Variants in ARHGEF28 observed in about 807,000 individuals in gnomAD.
The protein encoded by ARHGEF28 is 190 kDa guanine nucleotide exchange factor.
Under a neutral mutation model 206.6 loss-of-function variants are expected in ARHGEF28, and 152 were observed. The ratio of observed to expected loss-of-function variants is 0.74; its 90% CI spans 0.64 to 0.84. ARHGEF28 has a LOEUF of 0.84. Ranked by LOEUF, ARHGEF28 falls within the 40% of genes least tolerant of loss-of-function variation. The probability of loss-of-function intolerance (pLI) is 0.00; values close to 1 mark genes in which losing one functional copy is unlikely to be tolerated. For synonymous variants in ARHGEF28, 763 were observed against 776.4 expected (o/e 0.98, Z 0.29); for missense variants, 2,028 against 2,073.2 (o/e 0.98, Z 0.42).
intron 7 of ARHGEF28, among the ~76,000 whole-genome samples, chr5:73,781,481 T>G (rs1753841332): frequency 6.6e-6 from 1 of 152,204 alleles, no homozygotes; most frequent in South Asian, 2.1e-4. Flanking sequence ...TTCCTCAACT[T>G]GACAGTTTAT....
chr5:73,750,116 G>T (rs1436466092), intron 3 of ARHGEF28, 132 bp downstream of exon 3: 18 of 943,644 alleles, frequency 1.9e-5, no homozygotes, highest in Non-Finnish European at 2.7e-5. Flanking sequence ...GTGCGTGCCT[G>T]TGTGTGTATG....
intron 35 of ARHGEF28, among the ~76,000 whole-genome samples, chr5:73,934,105 CTT>C (rs546444980): frequency 8.3e-4 from 127 of 152,186 alleles, no homozygotes; most frequent in African/African-American, 3.0e-3. Context: ...TTAAATGCCT[CTT>C]GAGTCATAAG....
At chr5:73,896,197 A>G (rs1361436462) in intron 29 of ARHGEF28, among the ~76,000 whole-genome samples, 3 of 152,142 alleles carry the variant, frequency 2.0e-5, no homozygotes, top group Non-Finnish European at 4.4e-5. Context: ...TCTTTTTGAG[A>G]TGAGGATTGA....
intron 9 of ARHGEF28, among the ~76,000 whole-genome samples, chr5:73,805,380 A>G (rs1283303519): frequency 1.3e-5 from 2 of 152,206 alleles, no homozygotes; most frequent in Non-Finnish European, 2.9e-5. Flanking sequence ...GCTGTATTAA[A>G]AATGTAAGAA....
intron 4 of ARHGEF28, among the ~76,000 whole-genome samples, chr5:73,766,956 G>A (rs1404433974): frequency 6.6e-6 from 1 of 152,190 alleles, no homozygotes; most frequent in Non-Finnish European, 1.5e-5. Flanking sequence ...TACATGTCAT[G>A]AGAGAAACTG....
At chr5:73,751,192 C>G (rs1461061589) in intron 3 of ARHGEF28, among the ~76,000 whole-genome samples, 1 of 152,198 alleles carries the variant, frequency 6.6e-6, no homozygotes, top group Non-Finnish European at 1.5e-5. Flanking sequence ...GGAGGATCAC[C>G]TGAGGTCGGG....
At chr5:73,679,334 A>G (rs1746919113) in intron 1 of ARHGEF28, among the ~76,000 whole-genome samples, 1 of 152,238 alleles carries the variant, frequency 6.6e-6, no homozygotes, top group Admixed American at 6.5e-5. Context: ...TGGGAGGCCA[A>G]GGCAGGCAGA....
intron 7 of ARHGEF28, among the ~76,000 whole-genome samples, chr5:73,782,437 C>CA (rs1332287058): frequency 6.6e-6 from 1 of 151,858 alleles, no homozygotes; most frequent in Non-Finnish European, 1.5e-5. Flanking sequence ...GACTCCATCT[C>CA]AAAAAACAAA....
chr5:73,809,191 C>G (rs1405177752), intron 9 of ARHGEF28, among the ~76,000 whole-genome samples: 1 of 143,752 alleles, frequency 7.0e-6, no homozygotes, highest in African/African-American at 2.8e-5. Flanking sequence ...GGTGATAGAG[C>G]AAGACTCTGT....
At chr5:73,676,069 CTTTTT>C (rs70973270) in intron 1 of ARHGEF28, among the ~76,000 whole-genome samples, 2 of 115,140 alleles carry the variant, frequency 1.7e-5, no homozygotes, top group Admixed American at 9.7e-5. Context: ...ATTTTCTTTT[CTTTTT>C]TTTTTTTTTT....
intron 9 of ARHGEF28, among the ~76,000 whole-genome samples, chr5:73,806,683 G>A (rs1197965188): frequency 7.7e-6 from 1 of 130,042 alleles, no homozygotes; most frequent in African/African-American, 2.9e-5. Context: ...CCATATATAC[G>A]ATATATCGTA....
intron 2 of ARHGEF28, among the ~76,000 whole-genome samples, chr5:73,741,383 GTGTATATATATATATATA>G (rs1751408685): frequency 1.5e-3 from 28 of 18,310 alleles, no homozygotes; most frequent in African/African-American, 5.1e-3. Context: ...GTGTGTGTGT[GTGTATATATATATATATA>G]TATATATATA....
chr5:73,860,124 T>A (rs930015169), intron 16 of ARHGEF28, among the ~76,000 whole-genome samples: 1 of 152,210 alleles, frequency 6.6e-6, no homozygotes, highest in Non-Finnish European at 1.5e-5. Flanking sequence ...ATCTGGGTTG[T>A]CTCCTTTTCC....
chr5:73,914,125 T>C (rs1763070799), intron 35 of ARHGEF28, among the ~76,000 whole-genome samples: 1 of 152,178 alleles, frequency 6.6e-6, no homozygotes, highest in Non-Finnish European at 1.5e-5. Context: ...GGTTTCTGAA[T>C]TGCTCTACCC....
chr5:73,718,507 G>A (rs1397254397), intron 2 of ARHGEF28, among the ~76,000 whole-genome samples: 4 of 152,144 alleles, frequency 2.6e-5, no homozygotes, highest in Admixed American at 2.6e-4. Context: ...GGGATTCCTT[G>A]GCTTCATGCA....
chr5:73,910,330 G>C (rs966794685), intron 34 of ARHGEF28, among the ~76,000 whole-genome samples: 1 of 127,256 alleles, frequency 7.9e-6, no homozygotes, highest in Non-Finnish European at 1.6e-5. Flanking sequence ...GCAGTGAGCC[G>C]AGATCACGCC....
chr5:73,741,609 T>TGGG (rs1325933017), intron 2 of ARHGEF28, among the ~76,000 whole-genome samples: 2 of 150,210 alleles, frequency 1.3e-5, no homozygotes, highest in South Asian at 4.3e-4. Flanking sequence ...TTAGTAGAGA[T>TGGG]GGGGTTTCAC....
chr5:73,776,427 G>C, intron 5 of ARHGEF28, 89 bp from the exon 6 acceptor site: 5 of 1,227,048 alleles, frequency 4.1e-6, no homozygotes, highest in Non-Finnish European at 5.6e-6. Flanking sequence ...AGTTGGATTT[G>C]TAAGATCAGG....
chr5:73,788,609 G>C (rs576591887), intron 7 of ARHGEF28, among the ~76,000 whole-genome samples: 1 of 152,224 alleles, frequency 6.6e-6, no homozygotes, highest in South Asian at 2.1e-4. Flanking sequence ...TTATTAAGTG[G>C]AACTGGACCA....
Sources: gnomAD v4.1 joint callset for allele counts (sites outside exome capture counted in the v4.1 genomes callset) on GRCh38, gnomAD v4.1.1 for gene constraint, MANE v1.5 for transcripts, NCBI Gene and HGNC (gene_info 2026-07-23, HGNC 2026-07-21) for gene names.